The following ZNF419 variants were observed in gnomAD, a reference collection of about 807,000 sequenced individuals.
The protein encoded by ZNF419 is zinc finger protein 419, also known as zinc finger protein 419A.
ZNF419 carries 8 observed loss-of-function variants against 14.9 expected under a neutral mutation model. The ratio of observed to expected loss-of-function variants is 0.54; its 90% CI spans 0.32 to 0.97. ZNF419 has a LOEUF of 0.97. Ranked by LOEUF, ZNF419 falls within the 50% of genes least tolerant of loss-of-function variation. ZNF419 has a pLI of 0.04. For synonymous variants in ZNF419, 211 were observed against 205.3 expected, an observed-to-expected ratio of 1.03 and a Z score of -0.24; for missense variants, 595 against 607.2, an observed-to-expected ratio of 0.98 and a Z score of 0.21.
At position 57,492,887 on chromosome 19, in the gene ZNF419, T is replaced by C. The variant is rs1306300735; in HGVS notation, c.330T>C (p.Ala110=). Residue 110 remains alanine (A), a synonymous_variant, in exon 5 of 5, where the codon GCT becomes GCC. Coordinates refer to ENST00000221735, the MANE Select transcript of ZNF419 (RefSeq NM_024691.4). ...GCWHGAEAEE[A]PEQIASVGLL... The stretch of plus-strand genomic sequence containing the variant: ...GGCATGGAGCCGAGGCTGAGGAGGC[T>C]CCTGAGCAGATTGCTTCTGTAGGAC... 2.5e-6 allele frequency: 4 copies of C among 1,614,088 alleles called. No individual in the cohort carries two copies. In the Admixed American group the frequency reaches 5.0e-5, roughly 20 times the overall value.
intron 2 of ZNF419, 77 bp from the exon 3 acceptor site, chr19:57,491,394 G>A (rs1202183013): frequency 3.1e-6 from 5 of 1,589,952 alleles, no homozygotes; most frequent in Non-Finnish European, 4.3e-6. Flanking sequence ...GGGTGAGCAG[G>A]GGTGGATGTT....
At position 57,493,617 on chromosome 19, in the gene ZNF419, C is replaced by A. The variant is rs775348502; in HGVS notation, c.1060C>A (p.His354Asn). ...CAGTGAATGTGGAAAATTCTATAGC[C>A]ACAAGTCCAACCTTATCAAACATTG... ...KCSECGKFYS[H>N]KSNLIKHWRV... Residue 354 changes from histidine (H) to asparagine (N), a missense_variant, in exon 5 of 5, where the codon CAC becomes AAC. Coordinates refer to ENST00000221735, the MANE Select transcript of ZNF419 (RefSeq NM_024691.4). 2.2e-5 allele frequency: 35 copies of A among 1,613,964 alleles called. No homozygotes were observed. The highest frequency in any genetic ancestry group is 2.9e-5 in the Non-Finnish European group (34 of 1,179,936).
Position 57,494,453 on chromosome 19 carries a change from C to T in ZNF419, c.*363C>T, listed in dbSNP as rs1600142182. On this transcript the variant is annotated 3_prime_UTR_variant, in exon 5 of 5. Coordinates refer to ENST00000221735, the MANE Select transcript of ZNF419 (RefSeq NM_024691.4). Reference sequence around the variant, plus strand: ...CACACTGGAGGCAAGATGAGAATTCCTGACAGATTGTCCTTCCTGAGAAGA... The same window carrying T: ...CACACTGGAGGCAAGATGAGAATTCTTGACAGATTGTCCTTCCTGAGAAGA... The T allele has an allele frequency of 1.4e-5, 3 of 215,958 alleles. No homozygotes were observed. In the East Asian group the frequency reaches 3.5e-4, roughly 25 times the overall value. 13.4% of individuals were successfully genotyped at this position (215,958 alleles called of 1,614,324 possible). A position where few individuals can be genotyped will look rare whatever the true frequency, so the allele number is the denominator to read the frequency against.
At position 57,495,927 on chromosome 19, in the gene ZNF419, A is replaced by G. The variant is rs1417014582; in HGVS notation, c.*1837A>G. The G allele has an allele frequency of 1.3e-5, 2 of 152,138 alleles. No homozygotes were observed. The highest frequency in any genetic ancestry group is 2.4e-5 in the African/African-American group (1 of 41,418). The allele number at this position is 152,138 out of a possible 1,614,324, so 9.4% of individuals were successfully genotyped here. On this transcript the variant is annotated 3_prime_UTR_variant, in exon 5 of 5. Transcript: ENST00000221735. ...AGAGCCTAGCAAGCCATGGCATTCC[A>G]GTAGTTTTGAGCACATTTAATACCC...
intron 4 of ZNF419, 67 bp downstream of exon 4, chr19:57,492,278 C>A: frequency 6.5e-7 from 1 of 1,548,400 alleles, no homozygotes; most frequent in South Asian, 1.1e-5. Flanking sequence ...CCAGTAGGCC[C>A]AGATATTTTG....
chr19:57,487,751 G>A lies in ZNF419; in HGVS notation c.-200G>A, dbSNP rs533367744. The stretch of plus-strand genomic sequence containing the variant: ...GGCGGGACTTCCGGCGTCTCGTTTG[G>A]TATTCACTTTCGCGACTCAGGTGAA... On this transcript the variant is annotated 5_prime_UTR_variant, in exon 1 of 5. Coordinates refer to ENST00000221735, the MANE Select transcript of ZNF419 (RefSeq NM_024691.4). 1.0e-4 allele frequency: 68 copies of A among 680,954 alleles called. 1 individual carries two copies. The Admixed American group carries it at 1.1e-3, about 11-fold the overall frequency. 42.2% of individuals were successfully genotyped at this position (680,954 alleles called of 1,614,324 possible).
In ZNF419 at chr19:57,490,178, A is replaced by G. The variant is rs777328900; in HGVS notation, c.65A>G (p.His22Arg). ...GTGGCTGCAGACTTGCTTACAGACCATGAGGAGGTAAGTGGAGGATGTCTC... is the reference window on the plus strand; with the variant it reads ...GTGGCTGCAGACTTGCTTACAGACCGTGAGGAGGTAAGTGGAGGATGTCTC... ...VPVAADLLTD[H>R]EEGYVTFEDV... The change falls in exon 2 of 5, where the codon CAT (histidine) becomes CGT (arginine). Residue 22 changes from histidine (H) to arginine (R), a missense_variant. Physicochemically the swap from His to Arg is conservative, Grantham distance 29. Coordinates refer to ENST00000221735, the MANE Select transcript of ZNF419 (RefSeq NM_024691.4). 6.2e-7 allele frequency: 1 copy of G among 1,613,568 alleles called. No individual in the cohort carries two copies. Among genetic ancestry groups the G allele is most frequent in the South Asian group, 1.1e-5 (1 of 90,836 alleles).
In ZNF419 at chr19:57,490,376, C is replaced by CA. The variant is rs371009455; in HGVS notation, c.72+192dup. The CA allele has an allele frequency of 4.3e-3, 1,786 of 416,528 alleles. 31 individuals carry two copies. Among genetic ancestry groups the CA allele is most frequent in the African/African-American group, 0.031 (1,515 of 48,542 alleles). 25.8% of individuals were successfully genotyped at this position (416,528 alleles called of 1,614,324 possible). A position where few individuals can be genotyped will look rare whatever the true frequency, so the allele number is the denominator to read the frequency against. ...TTATTTTTATTATTTTCTTTTAAGA[C>CA]AGAGTTTTGCTCTTGTTGCCCAGGC... On this transcript the variant is annotated intron_variant, in intron 2 of 4. Transcript: ENST00000221735.
chr19:57,489,540 A>C (rs532337285), intron 1 of ZNF419: 1 of 138,054 alleles, frequency 7.2e-6, no homozygotes, highest in East Asian at 2.1e-4. Context: ...CCCAGGCTAA[A>C]CTGCAATGGT....
rs1464044748 is a variant in ZNF419, at chr19:57,494,182, G to T, written c.*92G>T. On this transcript the variant is annotated 3_prime_UTR_variant, in exon 5 of 5. Coordinates refer to ENST00000221735, the MANE Select transcript of ZNF419 (RefSeq NM_024691.4). The stretch of plus-strand genomic sequence containing the variant: ...TCTTGAAGGTAACAGATGGAAATCC[G>T]TTAGCCACACCTCCAGTCTCATTCA... The T allele has an allele frequency of 3.1e-5, 46 of 1,498,172 alleles. No homozygotes were observed. Among genetic ancestry groups the T allele is most frequent in the South Asian group, 1.2e-4 (9 of 73,824 alleles). The allele number at this position is 1,498,172 out of a possible 1,614,324, so 92.8% of individuals were successfully genotyped here.
chr19:57,492,755 C>A (rs779152140), intron 4 of ZNF419, 101 bp from the exon 5 acceptor site: 1 of 1,452,916 alleles, frequency 6.9e-7, no homozygotes, highest in Non-Finnish European at 9.7e-7. Flanking sequence ...CTGCTAGCAG[C>A]CCCAGGCACT....
At position 57,487,763 on chromosome 19, in the gene ZNF419, G is replaced by A; in HGVS notation, c.-188G>A. ...GGCGTCTCGTTTGGTATTCACTTTC[G>A]CGACTCAGGTGAACTAACCTGCGAG... On this transcript the variant is annotated 5_prime_UTR_variant, in exon 1 of 5. Transcript: ENST00000221735. 1.3e-6 allele frequency: 1 copy of A among 743,670 alleles called. No homozygotes were observed. The allele number at this position is 743,670 out of a possible 1,614,324, so 46.1% of individuals were successfully genotyped here. A position where few individuals can be genotyped will look rare whatever the true frequency, so the allele number is the denominator to read the frequency against.
Position 57,493,897 on chromosome 19 carries a change from A to C in ZNF419, c.1340A>C (p.Lys447Thr). ...AGCTCAACCCTCATGCAACATCGAAAAGTTCACATTGGAGAAAAGCCTTTT... is the reference window on the plus strand; with the variant it reads ...AGCTCAACCCTCATGCAACATCGAACAGTTCACATTGGAGAAAAGCCTTTT... ...SQSSTLMQHR[K>T]VHIGEKPFKC... is the part of the protein sequence containing the mutation. The change falls in exon 5 of 5, where the codon AAA becomes ACA. Residue 447 changes from lysine (K) to threonine (T), a missense_variant. Lys to Thr is a moderately conservative substitution (Grantham distance 78, BLOSUM62 -1). Coordinates refer to ENST00000221735, the MANE Select transcript of ZNF419 (RefSeq NM_024691.4). 1 of 1,608,640 alleles carries C rather than the reference A, an allele frequency of 6.2e-7. No homozygotes were observed. The highest frequency in any genetic ancestry group is 8.5e-7 in the Non-Finnish European group (1 of 1,178,214).
Position 57,496,058 on chromosome 19 carries a change from CT to C in ZNF419, c.*1969del, listed in dbSNP as rs1039687212. 9 of 152,264 alleles carry C rather than the reference CT, an allele frequency of 5.9e-5. No homozygotes were observed. In the South Asian group the frequency reaches 6.2e-4, roughly 11 times the overall value. 9.4% of individuals were successfully genotyped at this position (152,264 alleles called of 1,614,324 possible). ...AGGTACAACATGATTTGAGGAAATA[CT>C]GCATTGGAAAATAAATAAATGTTCA... is the stretch of plus-strand genomic sequence containing the variant. On this transcript the variant is annotated 3_prime_UTR_variant, in exon 5 of 5. Coordinates refer to ENST00000221735, the MANE Select transcript of ZNF419 (RefSeq NM_024691.4).
chr19:57,490,930 G>A (rs2089466520), intron 2 of ZNF419: 1 of 161,116 alleles, frequency 6.2e-6, no homozygotes, highest in Admixed American at 5.7e-5. Flanking sequence ...GGCCTTCAAA[G>A]TGGGGCTGAG....
At chr19:57,492,415 A>T in intron 4 of ZNF419, 1 of 786,250 alleles carries the variant, frequency 1.3e-6, no homozygotes, top group Non-Finnish European at 2.3e-6. Context: ...CCCAGTCATC[A>T]GCAGAACCCT....
At position 57,494,379 on chromosome 19, in the gene ZNF419, A is replaced by T. The variant is rs551832827; in HGVS notation, c.*289A>T. On this transcript the variant is annotated 3_prime_UTR_variant, in exon 5 of 5. Coordinates refer to ENST00000221735, the MANE Select transcript of ZNF419 (RefSeq NM_024691.4). ...CTCACTTAAAACAGAAACTCTGAGG[A>T]TGGCCTTTATGAGGGAGCTGGCAAT... 14 of 352,078 alleles carry T rather than the reference A, an allele frequency of 4.0e-5. No individual in the cohort carries two copies. The South Asian group carries it at 1.1e-3, about 28-fold the overall frequency. The allele number at this position is 352,078 out of a possible 1,614,324, so 21.8% of individuals were successfully genotyped here.
rs1289951155 is a variant in ZNF419 at position 57,493,603 on chromosome 19, G to T, written c.1046G>T (p.Gly349Val). ...GERPYKCSEC[G>V]KFYSHKSNLI... ...AGACCTTATAAGTGCAGTGAATGTG[G>T]AAAATTCTATAGCCACAAGTCCAAC... Residue 349 changes from glycine to valine, a missense_variant, in exon 5 of 5, where the codon GGA becomes GTA. Gly to Val is a moderately radical substitution (Grantham distance 109). Transcript: ENST00000221735. 1 of 1,614,004 alleles carries T rather than the reference G, an allele frequency of 6.2e-7. No individual in the cohort carries two copies. The highest frequency in any genetic ancestry group is 1.3e-5 in the African/African-American group (1 of 74,932).
intron 2 of ZNF419, 62 bp from the exon 3 acceptor site, chr19:57,491,409 C>G (rs547778895): frequency 1.0e-5 from 16 of 1,602,378 alleles, no homozygotes; most frequent in East Asian, 4.5e-5. Flanking sequence ...GATGTTTAGG[C>G]AGATGCCTAA....
Sources: gnomAD v4.1 joint callset for allele counts on GRCh38, gnomAD v4.1.1 for gene constraint, MANE v1.5 for transcripts, NCBI Gene and HGNC (gene_info 2026-07-23, HGNC 2026-07-21) for gene names.